Variants in STX18 observed in about 807,000 individuals in gnomAD.
STX18 encodes syntaxin 18.
STX18 carries 40 observed loss-of-function variants against 50.1 expected under a neutral mutation model. The observed-to-expected ratio is 0.80, with a 90% CI of 0.62 to 1.04. STX18 has a LOEUF of 1.04. STX18 is among the 50% of genes least tolerant of loss of function. The probability of loss-of-function intolerance (pLI) is 0.00; values close to 1 mark genes in which losing one functional copy is unlikely to be tolerated. For missense variants in STX18, 410 were observed against 415.8 expected, an observed-to-expected ratio of 0.99 and a Z score of 0.12; for synonymous variants, 158 against 151.8, an observed-to-expected ratio of 1.04 and a Z score of -0.30.
chr4:4,492,467 G>A (rs1728985020), intron 1 of STX18, among the ~76,000 whole-genome samples: 2 of 152,118 alleles, frequency 1.3e-5, no homozygotes, highest in African/African-American at 4.8e-5. Flanking sequence ...TTCAAACAGT[G>A]TTTGTAGATT....
intron 1 of STX18, among the ~76,000 whole-genome samples, chr4:4,474,854 G>A (rs975725270): frequency 6.6e-6 from 1 of 152,148 alleles, no homozygotes; most frequent in African/African-American, 2.4e-5. Context: ...TCCCATTTTG[G>A]ACACTTGACT....
intron 2 of STX18, among the ~76,000 whole-genome samples, chr4:4,468,558 TGCAAGCGGTGA>T (rs1727743565): frequency 6.6e-6 from 1 of 152,108 alleles, no homozygotes; most frequent in African/African-American, 2.4e-5. Flanking sequence ...TTATTGGCTT[TGCAAGCGGTGA>T]GCAGCCAAGC....
At chr4:4,466,675 C>T (rs77675445) in intron 2 of STX18, among the ~76,000 whole-genome samples, 2,794 of 152,212 alleles carry the variant, frequency 0.018, 30 homozygotes, top group Middle Eastern at 0.061. Context: ...AGGACAGTGG[C>T]AATGGGGACT....
chr4:4,511,886 T>C lies in STX18; in HGVS notation c.168+29911A>G, dbSNP rs144840590. Among the ~76,000 whole-genome samples the C allele has an allele frequency of 2.0e-5, 3 of 152,164 alleles. No individual in the cohort carries two copies. In the East Asian group the frequency reaches 5.8e-4, roughly 29 times the overall value. On this transcript the variant is annotated intron_variant, in intron 1 of 10. Coordinates refer to ENST00000306200, the MANE Select transcript of STX18 (RefSeq NM_016930.4). ...AGGATGGGTTAAAGTTCAGGTTTTA[T>C]CAACCTAAGCCCTATTGACATTTTG...
At chr4:4,486,137 C>G (rs895973256) in intron 1 of STX18, among the ~76,000 whole-genome samples, 4 of 152,184 alleles carry the variant, frequency 2.6e-5, no homozygotes, top group Non-Finnish European at 2.9e-5. Context: ...CAAATGCTTT[C>G]CAGCTCAGAA....
intron 7 of STX18, among the ~76,000 whole-genome samples, chr4:4,427,309 G>A (rs1481143408): frequency 6.6e-6 from 1 of 152,240 alleles, no homozygotes; most frequent in African/African-American, 2.4e-5. Flanking sequence ...TCCACAGCAG[G>A]GGGCCGTGCT....
intron 1 of STX18, among the ~76,000 whole-genome samples, chr4:4,521,830 G>A (rs1376230739): frequency 6.6e-6 from 1 of 152,142 alleles, no homozygotes; most frequent in Non-Finnish European, 1.5e-5. Flanking sequence ...AATGCCTCAT[G>A]AGAGTATCAA....
chr4:4,421,384 G>A (rs1724953166), intron 9 of STX18, among the ~76,000 whole-genome samples: 1 of 151,954 alleles, frequency 6.6e-6, no homozygotes, highest in African/African-American at 2.4e-5. Context: ...CCAAGTAGCT[G>A]GGAGTATAGG....
chr4:4,507,840 T>G, intron 1 of STX18: 2 of 612,594 alleles, frequency 3.3e-6, no homozygotes, highest in Non-Finnish European at 5.4e-6. Context: ...AAAAAAAAGT[T>G]AAAAAGCGGC....
intron 7 of STX18, among the ~76,000 whole-genome samples, chr4:4,432,954 C>T (rs1425174557): frequency 6.6e-6 from 1 of 152,144 alleles, no homozygotes; most frequent in Non-Finnish European, 1.5e-5. Context: ...GGTGGGCCGG[C>T]GCGGCTGTTC....
At chr4:4,519,226 A>G (rs187603577) in intron 1 of STX18, among the ~76,000 whole-genome samples, 35 of 152,288 alleles carry the variant, frequency 2.3e-4, no homozygotes, top group Admixed American at 2.2e-3. Context: ...ACACACAAGC[A>G]TTTACAGAGT....
intron 1 of STX18, among the ~76,000 whole-genome samples, chr4:4,531,831 A>G (rs182778702): frequency 6.0e-4 from 91 of 152,312 alleles, no homozygotes; most frequent in Non-Finnish European, 1.1e-3. Context: ...AGAACATTCA[A>G]TTTTTTACAT....
intron 2 of STX18, among the ~76,000 whole-genome samples, chr4:4,465,297 T>C (rs1309016252): frequency 6.6e-6 from 1 of 152,206 alleles, no homozygotes; most frequent in East Asian, 1.9e-4. Context: ...CATGGACAAG[T>C]ACTTGTATGT....
intron 1 of STX18, among the ~76,000 whole-genome samples, chr4:4,520,954 C>T (rs1730481031): frequency 6.6e-6 from 1 of 152,154 alleles, no homozygotes; most frequent in Admixed American, 6.5e-5. Flanking sequence ...CAACATTGTA[C>T]AATTTATCTA....
chr4:4,443,986 G>A (rs991005807), intron 5 of STX18, among the ~76,000 whole-genome samples: 1 of 151,986 alleles, frequency 6.6e-6, no homozygotes, highest in African/African-American at 2.4e-5. Context: ...TAAGCTCCTA[G>A]TACGTCTTGT....
In STX18 at chr4:4,515,365, T is replaced by C. The variant is rs1730202888; in HGVS notation, c.168+26432A>G. Among the ~76,000 whole-genome samples the C allele has an allele frequency of 2.0e-5, 3 of 152,142 alleles. No individual in the cohort carries two copies. The South Asian group carries it at 6.2e-4, about 32-fold the overall frequency. Reference sequence around the variant, plus strand: ...ACTACCACATAAGCAGTTCTAAAAATTGTGGTCATCTTTTGTTTGCTTTGT... The same window carrying C: ...ACTACCACATAAGCAGTTCTAAAAACTGTGGTCATCTTTTGTTTGCTTTGT... On this transcript the variant is annotated intron_variant, in intron 1 of 10. Coordinates refer to ENST00000306200, the MANE Select transcript of STX18 (RefSeq NM_016930.4).
intron 1 of STX18, among the ~76,000 whole-genome samples, chr4:4,498,882 G>C (rs894243198): frequency 8.5e-5 from 13 of 152,142 alleles, no homozygotes; most frequent in Admixed American, 7.2e-4. Context: ...TTTAGAATAA[G>C]TAAGACATCA....
At chr4:4,421,036 T>C (rs1331627538) in intron 9 of STX18, 92 bp from the exon 10 acceptor site, 1 of 1,267,126 alleles carries the variant, frequency 7.9e-7, no homozygotes, top group South Asian at 1.2e-5. Context: ...TTGAGTGTCA[T>C]GTCAGCGCTC....
intron 9 of STX18, among the ~76,000 whole-genome samples, chr4:4,422,327 G>A (rs1049953715): frequency 3.3e-5 from 5 of 152,152 alleles, no homozygotes; most frequent in Admixed American, 2.6e-4. Flanking sequence ...AGCACTTTGG[G>A]AGGCCAAGGC....
Sources: gnomAD v4.1 joint callset for allele counts (sites outside exome capture counted in the v4.1 genomes callset) on GRCh38, gnomAD v4.1.1 for gene constraint, MANE v1.5 for transcripts, NCBI Gene and HGNC (gene_info 2026-07-23, HGNC 2026-07-21) for gene names.